Variants in RTN3 observed in about 807,000 individuals in gnomAD.
RTN3 encodes the protein reticulon 3.
In RTN3, 49 loss-of-function variants were observed where a neutral mutation model predicts 77.8. The ratio of observed to expected loss-of-function variants is 0.63; its 90% CI spans 0.50 to 0.80. The LOEUF (loss-of-function observed/expected upper bound fraction) is 0.80, where lower values mean the gene tolerates loss of function less well. Ranked by LOEUF, RTN3 falls within the 30% of genes least tolerant of loss-of-function variation. The pLI, the probability that RTN3 is intolerant of heterozygous loss-of-function variation, is 0.00. For synonymous variants in RTN3, 464 were observed against 446.9 expected (o/e 1.04, Z -0.48); for missense variants, 1,236 against 1,211.9 (o/e 1.02, Z -0.29).
At chr11:63,682,709 T>C (rs987447101) in intron 1 of RTN3, among the ~76,000 whole-genome samples, 1 of 152,188 alleles carries the variant, frequency 6.6e-6, no homozygotes, top group Non-Finnish European at 1.5e-5. Context: ...TTCTCCCATC[T>C]CTGTGAAAGA....
At chr11:63,740,557 A>G (rs913018885) in intron 3 of RTN3, among the ~76,000 whole-genome samples, 8 of 148,144 alleles carry the variant, frequency 5.4e-5, no homozygotes, top group Admixed American at 2.1e-4. Context: ...TCGGCCTCCT[A>G]AAGTGCTGGG....
intron 2 of RTN3, among the ~76,000 whole-genome samples, chr11:63,714,857 C>T (rs2011303561): frequency 6.6e-6 from 1 of 152,108 alleles, no homozygotes; most frequent in South Asian, 2.1e-4. Flanking sequence ...TCATGGTGCT[C>T]AGCAGAGGAT....
chr11:63,696,695 G>T (rs1465960803), intron 1 of RTN3, among the ~76,000 whole-genome samples: 2 of 149,726 alleles, frequency 1.3e-5, no homozygotes, highest in African/African-American at 4.9e-5. Context: ...ACAGGTGCCT[G>T]CCTCCACACC....
intron 3 of RTN3, among the ~76,000 whole-genome samples, chr11:63,742,926 G>T (rs927123423): frequency 6.6e-6 from 1 of 152,084 alleles, no homozygotes; most frequent in Admixed American, 6.6e-5. Flanking sequence ...TGTCACTCAG[G>T]TTGGAGTGCA....
At chr11:63,718,027 A>G (rs2011503875) in intron 2 of RTN3, among the ~76,000 whole-genome samples, 1 of 151,670 alleles carries the variant, frequency 6.6e-6, no homozygotes, top group Non-Finnish European at 1.5e-5. Flanking sequence ...AAAAAAAAAA[A>G]AAAAGATTTT....
intron 2 of RTN3, among the ~76,000 whole-genome samples, chr11:63,707,623 CAGG>C (rs1942562072): frequency 6.6e-6 from 1 of 152,062 alleles, no homozygotes; most frequent in Admixed American, 6.5e-5. Context: ...CACCTGACGT[CAGG>C]AGTTCGAGAC....
rs373685794 is a variant in RTN3, at chr11:63,719,413, G to A, written c.911G>A (p.Arg304His). Residue 304 changes from arginine to histidine, a missense_variant, in exon 3 of 9, where the codon CGT becomes CAT. Arg to His is a conservative substitution (Grantham distance 29, BLOSUM62 0). This residue lies in a region of RTN3 where 1,056 missense variants were observed against 990.4 expected (regional missense o/e 1.07). Transcript: ENST00000377819. ...LFPLRNKEAG[R>H]YPMSALLSRQ... is the part of the protein sequence containing the mutation. Reference sequence around the variant, plus strand: ...CCACTGAGAAATAAAGAGGCAGGACGTTACCCAATGTCTGCATTGCTCAGT... The same window carrying A: ...CCACTGAGAAATAAAGAGGCAGGACATTACCCAATGTCTGCATTGCTCAGT... The A allele has an allele frequency of 8.7e-6, 14 of 1,613,940 alleles. No homozygotes were observed. The highest frequency in any genetic ancestry group is 1.6e-4 in the Middle Eastern group (1 of 6,084).
At chr11:63,716,968 C>CAAAAA (rs752428943) in intron 2 of RTN3, among the ~76,000 whole-genome samples, 1 of 27,212 alleles carries the variant, frequency 3.7e-5, no homozygotes, top group Non-Finnish European at 9.7e-5. Context: ...GACTCCGTCT[C>CAAAAA]AAAAAAAAAA....
intron 1 of RTN3, among the ~76,000 whole-genome samples, chr11:63,703,441 C>T (rs968060286): frequency 6.6e-5 from 10 of 152,202 alleles, no homozygotes; most frequent in Non-Finnish European, 7.4e-5. Context: ...TGTATCCCTC[C>T]AGTTTTAGTA....
At chr11:63,710,873 C>T (rs1334768143) in intron 2 of RTN3, among the ~76,000 whole-genome samples, 1 of 152,112 alleles carries the variant, frequency 6.6e-6, no homozygotes, top group Non-Finnish European at 1.5e-5. Context: ...AAAAATTGTG[C>T]CAAAGGCTGT....
At chr11:63,689,176 C>A (rs1358892686) in intron 1 of RTN3, among the ~76,000 whole-genome samples, 2 of 152,098 alleles carry the variant, frequency 1.3e-5, no homozygotes, top group African/African-American at 4.8e-5. Context: ...AGCTAATACT[C>A]TTTGTATTGT....
At chr11:63,735,719 G>A (rs1429601235) in intron 3 of RTN3, among the ~76,000 whole-genome samples, 2 of 151,866 alleles carry the variant, frequency 1.3e-5, no homozygotes, top group Non-Finnish European at 2.9e-5. Flanking sequence ...TAGTAAAGAT[G>A]GAGTTTTGCC....
At chr11:63,706,431 C>T (rs1942498147) in intron 2 of RTN3, among the ~76,000 whole-genome samples, 1 of 152,254 alleles carries the variant, frequency 6.6e-6, no homozygotes, top group African/African-American at 2.4e-5. Context: ...GCCAGTCTGG[C>T]TCAGCCAGTC....
intron 3 of RTN3, among the ~76,000 whole-genome samples, chr11:63,743,005 C>T (rs889942375): frequency 1.3e-5 from 2 of 152,234 alleles, no homozygotes; most frequent in Non-Finnish European, 2.9e-5. Context: ...CTCGGCTTCC[C>T]GAGTAGCTGG....
In RTN3 at chr11:63,719,772, T is replaced by C. The variant is rs2011621956; in HGVS notation, c.1270T>C (p.Ser424Pro). The stretch of plus-strand genomic sequence containing the variant: ...TATTACTGGAAAACCTGTACCTGAC[T>C]CTTTGAATTCCACAAAAGAATTCAG... ...NAITGKPVPDSLNSTKEFSIK... is the reference protein window; with the variant it reads ...NAITGKPVPDPLNSTKEFSIK... The change falls in exon 3 of 9, where the codon TCT (serine) becomes CCT (proline). Residue 424 changes from serine to proline, a missense_variant. By Grantham distance (74) the Ser-to-Pro change is moderately conservative (BLOSUM62 -1). Transcript: ENST00000377819. The C allele has an allele frequency of 6.2e-7, 1 of 1,614,182 alleles. No individual in the cohort carries two copies.
upstream of RTN3, chr11:63,681,485 T>G (rs1401351736): frequency 1.3e-6 from 1 of 783,238 alleles, no homozygotes; most frequent in Non-Finnish European, 1.8e-6. Flanking sequence ...CTAGCTGCGC[T>G]CGGCTGAGTC....
chr11:63,748,880 T>A (rs1041788161), intron 3 of RTN3, among the ~76,000 whole-genome samples: 2 of 150,746 alleles, frequency 1.3e-5, no homozygotes, highest in Non-Finnish European at 3.0e-5. Flanking sequence ...GTTGGCCAGG[T>A]TGGTCTCGAA....
In RTN3 at chr11:63,749,345, A is replaced by G. The variant is rs553704408; in HGVS notation, c.2531-646A>G. On this transcript the variant is annotated intron_variant, in intron 3 of 8. Transcript: ENST00000377819. The stretch of plus-strand genomic sequence containing the variant: ...GGTCCCCTATACATAATCCTTCCTG[A>G]ATTCTTTTCAGATTAACATTGAGAC... Among the ~76,000 whole-genome samples, 16 of 152,228 alleles carry G rather than the reference A, an allele frequency of 1.1e-4. No homozygotes were observed. In the South Asian group the frequency reaches 3.3e-3, roughly 32 times the overall value.
rs1400940918 is a variant in RTN3 at position 63,756,121 on chromosome 11, G to T, written c.3004G>T (p.Asp1002Tyr). The change falls in exon 8 of 9, where the codon GAT becomes TAT. Residue 1002 changes from aspartate (D) to tyrosine (Y), a missense_variant. Coordinates refer to ENST00000377819, the MANE Select transcript of RTN3 (RefSeq NM_001265589.2). ...TTTTCCTTCCTTAAAGACCCAGATT[G>T]ATCACTATGTTGGCATCGCCCGAGA... ...IVYEKYKTQI[D>Y]HYVGIARDQT... 1 of 1,612,748 alleles carries T rather than the reference G, an allele frequency of 6.2e-7. No individual in the cohort carries two copies. Among genetic ancestry groups the T allele is most frequent in the Non-Finnish European group, 8.5e-7 (1 of 1,178,822 alleles).
Sources: allele counts gnomAD v4.1 joint callset (sites outside exome capture counted in the v4.1 genomes callset), GRCh38; gene constraint gnomAD v4.1.1; regional missense constraint gnomAD v4.1.1; transcripts MANE v1.5; gene names NCBI Gene and HGNC (gene_info 2026-07-23, HGNC 2026-07-21).